The following CACNA1E variants were observed in gnomAD, a reference collection of about 807,000 sequenced individuals.
The protein encoded by CACNA1E is calcium voltage-gated channel subunit alpha1 E.
Under a neutral mutation model 259.2 loss-of-function variants are expected in CACNA1E, and 40 were observed. The observed-to-expected ratio is 0.15, with a 90% CI of 0.12 to 0.20. The LOEUF is 0.20. CACNA1E is among the 10% of genes least tolerant of loss of function. The pLI is 1.00. For missense variants in CACNA1E, 1,874 were observed against 3,040.1 expected, an observed-to-expected ratio of 0.62 and a Z score of 9.02; for synonymous variants, 1,104 against 1,138.5, an observed-to-expected ratio of 0.97 and a Z score of 0.61.
intron 2 of CACNA1E, among the ~76,000 whole-genome samples, chr1:181,446,585 C>T (rs1307107832): frequency 6.6e-6 from 1 of 152,214 alleles, no homozygotes; most frequent in Non-Finnish European, 1.5e-5. Flanking sequence ...TTCATGTTTA[C>T]AGCTTCTTGG....
At chr1:181,400,601 A>C (rs1462095617) in intron 1 of CACNA1E, among the ~76,000 whole-genome samples, 1 of 152,066 alleles carries the variant, frequency 6.6e-6, no homozygotes, top group Non-Finnish European at 1.5e-5. Flanking sequence ...CTTTAGGACC[A>C]TTGGCAAGGT....
In CACNA1E at chr1:181,542,248, C is replaced by T. The variant is rs932835673; in HGVS notation, c.512+30738C>T. The stretch of plus-strand genomic sequence containing the variant: ...TGAGCAAAAGATCCCCACAAAAACA[C>T]TCTCAGATTCCCCACATTGCTAATT... On this transcript the variant is annotated intron_variant, in intron 3 of 47. Coordinates refer to ENST00000367573, the MANE Select transcript of CACNA1E (RefSeq NM_001205293.3). 8.2e-5 allele frequency among the ~76,000 whole-genome samples: 12 copies of T among 146,728 alleles called. No homozygotes were observed. The East Asian group carries it at 1.7e-3, about 21-fold the overall frequency.
rs749848442 is a variant in CACNA1E, at chr1:181,511,518, C to T, written c.512+8C>T. 2 of 1,613,296 alleles carry T rather than the reference C, an allele frequency of 1.2e-6. No homozygotes were observed. Among genetic ancestry groups the T allele is most frequent in the Non-Finnish European group, 1.7e-6 (2 of 1,179,792 alleles). The stretch of plus-strand genomic sequence containing the variant: ...CATCGTGGTCCTCAGTGGGTAAGTC[C>T]ATTTTCTCTCTCTGTCTGTGTGTGT... On this transcript the variant is annotated splice_region_variant and intron_variant, in intron 3 of 47. Coordinates refer to ENST00000367573, the MANE Select transcript of CACNA1E (RefSeq NM_001205293.3).
At chr1:181,722,664 G>A (rs1654517852) in intron 16 of CACNA1E, among the ~76,000 whole-genome samples, 1 of 152,202 alleles carries the variant, frequency 6.6e-6, no homozygotes, top group Non-Finnish European at 1.5e-5. Flanking sequence ...ATTTGCATGT[G>A]ATTTATAATT....
intron 44 of CACNA1E, among the ~76,000 whole-genome samples, chr1:181,791,463 A>G (rs1030288029): frequency 1.3e-5 from 2 of 152,062 alleles, no homozygotes; most frequent in Non-Finnish European, 2.9e-5. Flanking sequence ...ACAGAGCAAG[A>G]CTCCGTCTCA....
intron 3 of CACNA1E, among the ~76,000 whole-genome samples, chr1:181,519,660 G>A (rs1666850137): frequency 6.6e-6 from 1 of 152,130 alleles, no homozygotes; most frequent in Non-Finnish European, 1.5e-5. Flanking sequence ...GGGGTGTGGT[G>A]AGCTGGGGCT....
intron 6 of CACNA1E, among the ~76,000 whole-genome samples, chr1:181,615,216 A>T (rs1309917527): frequency 6.6e-6 from 1 of 152,072 alleles, no homozygotes; most frequent in Non-Finnish European, 1.5e-5. Context: ...TTTGAGATGG[A>T]GTCTCACTCT....
intron 2 of CACNA1E, among the ~76,000 whole-genome samples, chr1:181,470,841 C>A (rs1258639601): frequency 6.6e-6 from 1 of 152,198 alleles, no homozygotes; most frequent in Non-Finnish European, 1.5e-5. Flanking sequence ...TGAAACTCTC[C>A]TCAACTAGTC....
chr1:181,449,687 T>C (rs1333373685), intron 2 of CACNA1E, among the ~76,000 whole-genome samples: 2 of 152,216 alleles, frequency 1.3e-5, no homozygotes, highest in African/African-American at 4.8e-5. Flanking sequence ...TGGGGCTTCT[T>C]TCTGTTGCAC....
rs1200537931 is a variant in CACNA1E at position 181,807,900 on chromosome 1, T to C, written c.*9066T>C. ...TTCTATCACCATTGGAGTTAGAATC[T>C]GACAACCTTTAACTTCACACTTTTA... On this transcript the variant is annotated 3_prime_UTR_variant, in exon 48 of 48. Transcript: ENST00000367573. The C allele has an allele frequency of 6.6e-6, 1 of 152,198 alleles. No homozygotes were observed. The highest frequency in any genetic ancestry group is 1.5e-5 in the Non-Finnish European group (1 of 68,026). The allele number at this position is 152,198 out of a possible 1,614,324, so 9.4% of individuals were successfully genotyped here.
chr1:181,510,566 C>T lies in CACNA1E; in HGVS notation c.356C>T (p.Pro119Leu). ...EQHLPEDDKTPMSRRLEKTEP... is the reference protein window; with the variant it reads ...EQHLPEDDKTLMSRRLEKTEP... The stretch of plus-strand genomic sequence containing the variant: ...CATCTTCCTGAGGATGACAAGACCC[C>T]CATGTCCCGAAGACTGGTATGTGAT... The change falls in exon 2 of 48, where the codon CCC becomes CTC. Residue 119 changes from proline (P) to leucine (L), a missense_variant. Around this residue, in one of 14 missense-constraint regions of CACNA1E, gnomAD observed 55 missense variants for 156.5 expected, o/e 0.35. Transcript: ENST00000367573. 6.2e-7 allele frequency: 1 copy of T among 1,611,476 alleles called. No individual in the cohort carries two copies. Among genetic ancestry groups the T allele is most frequent in the Non-Finnish European group, 8.5e-7 (1 of 1,177,586 alleles).
At chr1:181,715,284 G>C in intron 8 of CACNA1E, 54 bp from the exon 9 acceptor site, 1 of 1,095,074 alleles carries the variant, frequency 9.1e-7, no homozygotes, top group South Asian at 1.3e-5. Context: ...TTTTAATCTT[G>C]CAGAATAATT....
intron 44 of CACNA1E, among the ~76,000 whole-genome samples, 152 bp from the exon 45 acceptor site, chr1:181,793,513 A>G (rs1465506714): frequency 6.6e-6 from 1 of 152,108 alleles, no homozygotes. Flanking sequence ...GGTGCACATA[A>G]ACACACACAC....
intron 2 of CACNA1E, among the ~76,000 whole-genome samples, chr1:181,417,083 A>G (rs1013162769): frequency 5.9e-5 from 9 of 151,994 alleles, no homozygotes; most frequent in Admixed American, 6.6e-5. Context: ...GGTTTCAAGC[A>G]TCCCACTGTG....
At chr1:181,492,285 T>A (rs1486163428) in intron 1 of CACNA1E, among the ~76,000 whole-genome samples, 1 of 152,250 alleles carries the variant, frequency 6.6e-6, no homozygotes, top group East Asian at 1.9e-4. Context: ...CTGAAGAGCA[T>A]TCATTGTATT....
At chr1:181,543,506 T>C (rs948797330) in intron 3 of CACNA1E, among the ~76,000 whole-genome samples, 2 of 152,188 alleles carry the variant, frequency 1.3e-5, no homozygotes, top group African/African-American at 2.4e-5. Flanking sequence ...GCCTTTATGA[T>C]GGGAATAGTG....
At chr1:181,766,142 G>A (rs1659004027) in intron 34 of CACNA1E, among the ~76,000 whole-genome samples, 1 of 152,146 alleles carries the variant, frequency 6.6e-6, no homozygotes, top group Admixed American at 6.5e-5. Flanking sequence ...GAGTGGGAGG[G>A]GGTAATACAG....
Position 181,598,517 on chromosome 1 carries a change from A to G in CACNA1E, c.951+17741A>G, listed in dbSNP as rs1471506489. Among the ~76,000 whole-genome samples, 4 of 152,128 alleles carry G rather than the reference A, an allele frequency of 2.6e-5. No homozygotes were observed. The South Asian group carries it at 6.2e-4, about 24-fold the overall frequency. On this transcript the variant is annotated intron_variant, in intron 6 of 47. Coordinates refer to ENST00000367573, the MANE Select transcript of CACNA1E (RefSeq NM_001205293.3). ...GTGCCGTGTTGAGGAAGTGGCCACA[A>G]TAAAGGAGTTGGGGTGGAAAATGCC... is the stretch of plus-strand genomic sequence containing the variant.
At chr1:181,479,469 T>C (rs1248539100), upstream of CACNA1E, among the ~76,000 whole-genome samples, 2 of 152,202 alleles carry the variant, frequency 1.3e-5, no homozygotes, top group Non-Finnish European at 2.9e-5. Flanking sequence ...CATTTGTGGA[T>C]CCTTAATAGG....
Sources: gnomAD v4.1 joint callset for allele counts (sites outside exome capture counted in the v4.1 genomes callset) on GRCh38, gnomAD v4.1.1 for gene constraint, gnomAD v4.1.1 regional missense constraint, MANE v1.5 for transcripts, NCBI Gene and HGNC (gene_info 2026-07-23, HGNC 2026-07-21) for gene names.